Variants in PLCB1 observed in about 807,000 individuals in gnomAD.
The protein encoded by PLCB1 is 1-phosphatidylinositol 4,5-bisphosphate phosphodiesterase beta-1.
A neutral mutation model predicts 161.8 loss-of-function variants in PLCB1; 46 were observed. The observed-to-expected ratio is 0.28, with a 90% CI of 0.22 to 0.36. The LOEUF is 0.36. Ranked by LOEUF, PLCB1 falls within the 10% of genes least tolerant of loss-of-function variation. The probability of loss-of-function intolerance (pLI) is 1.00; values close to 1 mark genes in which losing one functional copy is unlikely to be tolerated. For synonymous variants in PLCB1, 517 were observed against 503.7 expected, an observed-to-expected ratio of 1.03 and a Z score of -0.35; for missense variants, 1,016 against 1,472.5, an observed-to-expected ratio of 0.69 and a Z score of 5.07.
intron 3 of PLCB1, among the ~76,000 whole-genome samples, chr20:8,515,030 A>G (rs1984053701): frequency 6.6e-6 from 1 of 152,194 alleles, no homozygotes. Flanking sequence ...ACTTGGGCCC[A>G]CTAACATTGA....
intron 8 of PLCB1, among the ~76,000 whole-genome samples, chr20:8,657,509 T>G (rs1989494861): frequency 1.3e-5 from 2 of 152,194 alleles, no homozygotes; most frequent in South Asian, 4.1e-4. Context: ...CTGGAGGTAG[T>G]TGTTTTTGTA....
chr20:8,260,975 A>G (rs1056576264), intron 2 of PLCB1, among the ~76,000 whole-genome samples: 2 of 152,260 alleles, frequency 1.3e-5, no homozygotes, highest in East Asian at 1.9e-4. Context: ...ATGCAGAGGT[A>G]TAAAAGAAAG....
intron 3 of PLCB1, among the ~76,000 whole-genome samples, chr20:8,590,813 C>A (rs935607900): frequency 1.3e-5 from 2 of 152,094 alleles, no homozygotes; most frequent in Admixed American, 6.6e-5. Context: ...CCAGAATAAT[C>A]CTACTTTAAT....
Position 8,708,653 on chromosome 20 carries a change from T to C in PLCB1, c.1168-17T>C, listed in dbSNP as rs756936385. 7 of 1,540,330 alleles carry C rather than the reference T, an allele frequency of 4.5e-6. No individual in the cohort carries two copies. Among genetic ancestry groups the C allele is most frequent in the African/African-American group, 1.4e-5 (1 of 73,618 alleles). On this transcript the variant is annotated splice_polypyrimidine_tract_variant and intron_variant, in intron 11 of 31. Coordinates refer to ENST00000338037, the MANE Select transcript of PLCB1 (RefSeq NM_015192.4). Reference sequence around the variant, plus strand: ...AAAATTCTGGCATACTGAATATACATGTGTTCTCATTTTTAGGAAGTGATA... The same window carrying C: ...AAAATTCTGGCATACTGAATATACACGTGTTCTCATTTTTAGGAAGTGATA...
rs1359449666 is a variant in PLCB1, at chr20:8,463,177, G to GTGTGTGTGTC, written c.246+91732_246+91733insGTGTCTGTGT. 7.3e-5 allele frequency among the ~76,000 whole-genome samples: 11 copies of GTGTGTGTGTC among 151,154 alleles called. No homozygotes were observed. The East Asian group carries it at 1.2e-3, about 16-fold the overall frequency. Reference sequence around the variant, plus strand: ...TGTGTGTGTGTGTGTGTGTGTGTGTGTGTGTCTGTGTATGTGTGTGTGCTC... The same window carrying GTGTGTGTGTC: ...TGTGTGTGTGTGTGTGTGTGTGTGTGTGTGTGTGTCTGTGTCTGTGTATGTGTGTGTGCTC... On this transcript the variant is annotated intron_variant, in intron 3 of 31. Transcript: ENST00000338037.
At chr20:8,450,748 C>T (rs1355799731) in intron 3 of PLCB1, among the ~76,000 whole-genome samples, 1 of 152,130 alleles carries the variant, frequency 6.6e-6, no homozygotes, top group Non-Finnish European at 1.5e-5. Context: ...GTTCTACCAT[C>T]CTCCATTTAT....
At chr20:8,482,251 A>T (rs1316295987) in intron 3 of PLCB1, among the ~76,000 whole-genome samples, 1 of 151,792 alleles carries the variant, frequency 6.6e-6, no homozygotes, top group Admixed American at 6.6e-5. Flanking sequence ...TTACAGGCAC[A>T]TACCAGCACG....
At chr20:8,145,915 C>T (rs888984662) in intron 1 of PLCB1, among the ~76,000 whole-genome samples, 1 of 152,122 alleles carries the variant, frequency 6.6e-6, no homozygotes, top group Non-Finnish European at 1.5e-5. Flanking sequence ...TCTTTGAAAT[C>T]TTGCAGCACA....
intron 2 of PLCB1, among the ~76,000 whole-genome samples, chr20:8,332,595 C>G (rs538713319): frequency 6.6e-6 from 1 of 152,148 alleles, no homozygotes; most frequent in African/African-American, 2.4e-5. Flanking sequence ...AATGGAGATG[C>G]GGAAAGACTA....
chr20:8,266,459 A>C (rs1981958844), intron 2 of PLCB1, among the ~76,000 whole-genome samples: 1 of 152,246 alleles, frequency 6.6e-6, no homozygotes, highest in Admixed American at 6.5e-5. Context: ...ATAAATGCTC[A>C]GGCATCATTT....
intron 2 of PLCB1, among the ~76,000 whole-genome samples, chr20:8,251,820 T>C (rs569336700): frequency 6.6e-6 from 1 of 152,016 alleles, no homozygotes; most frequent in East Asian, 2.0e-4. Context: ...ATGGTGAAGT[T>C]TGTGGTGACA....
chr20:8,138,135 C>T (rs376226438), intron 1 of PLCB1, among the ~76,000 whole-genome samples: 1 of 152,226 alleles, frequency 6.6e-6, no homozygotes, highest in South Asian at 2.1e-4. Context: ...ATATAATTTT[C>T]TCTCATAGGT....
At chr20:8,427,981 CTAA>C (rs1377150814) in intron 3 of PLCB1, among the ~76,000 whole-genome samples, 2 of 152,052 alleles carry the variant, frequency 1.3e-5, no homozygotes, top group African/African-American at 4.8e-5. Context: ...GGAAGCTGAC[CTAA>C]TAATTTGTGC....
At chr20:8,485,378 G>C (rs1234616179) in intron 3 of PLCB1, among the ~76,000 whole-genome samples, 1 of 152,182 alleles carries the variant, frequency 6.6e-6, no homozygotes, top group Non-Finnish European at 1.5e-5. Context: ...TCGTGCTGAT[G>C]ATTAACTTTA....
At chr20:8,624,321 G>A (rs1007396624) in intron 3 of PLCB1, among the ~76,000 whole-genome samples, 3 of 152,090 alleles carry the variant, frequency 2.0e-5, no homozygotes, top group Admixed American at 1.3e-4. Flanking sequence ...CATTGGATAA[G>A]CCTACAATCC....
chr20:8,432,061 A>C (rs1353474231), intron 3 of PLCB1, among the ~76,000 whole-genome samples: 1 of 151,946 alleles, frequency 6.6e-6, no homozygotes, highest in African/African-American at 2.4e-5. Flanking sequence ...AGGTCTCTCT[A>C]ATATCTCTGT....
chr20:8,792,725 T>C (rs1416576468), intron 31 of PLCB1: 1 of 441,550 alleles, frequency 2.3e-6, no homozygotes, highest in Non-Finnish European at 4.6e-6. Context: ...TTTTTCTTCA[T>C]GGCTTAAAAA....
At chr20:8,548,238 C>A (rs1284898734) in intron 3 of PLCB1, among the ~76,000 whole-genome samples, 1 of 143,628 alleles carries the variant, frequency 7.0e-6, no homozygotes, top group African/African-American at 2.6e-5. Context: ...TCCCTCCCTC[C>A]CCTCTTCCTC....
rs199634903 is a variant in PLCB1, at chr20:8,482,092, A to ATT, written c.246+110671_246+110672dup. Among the ~76,000 whole-genome samples, 243 of 104,836 alleles carry ATT rather than the reference A, an allele frequency of 2.3e-3. 32 individuals carry two copies. Among genetic ancestry groups the ATT allele is most frequent in the African/African-American group, 6.3e-3 (149 of 23,614 alleles). The allele number at this position is 104,836 out of a possible 152,430, so 68.8% of individuals were successfully genotyped here. A position where few individuals can be genotyped will look rare whatever the true frequency, so the allele number is the denominator to read the frequency against. On this transcript the variant is annotated intron_variant, in intron 3 of 31. Transcript: ENST00000338037. The stretch of plus-strand genomic sequence containing the variant: ...TTCAATTTATTTTGTGCTTGAAGGA[A>ATT]TTTTTTTTTTTTTTTTTTTTTTTTT...
Sources: allele counts gnomAD v4.1 joint callset (sites outside exome capture counted in the v4.1 genomes callset), GRCh38; gene constraint gnomAD v4.1.1; transcripts MANE v1.5; gene names NCBI Gene and HGNC (gene_info 2026-07-23, HGNC 2026-07-21).